SEMA6D: variants seen among roughly 807,000 people sequenced by gnomAD.
SEMA6D encodes semaphorin-6D.
Under a neutral mutation model 106.6 loss-of-function variants are expected in SEMA6D, and 35 were observed. The observed-to-expected ratio is 0.33, with a 90% CI of 0.25 to 0.44. The LOEUF is 0.44. Among genes scored for constraint, SEMA6D ranks in the 20% least tolerant of loss-of-function variants. The pLI is 1.00. For synonymous variants in SEMA6D, 499 were observed against 487.7 expected (o/e 1.02, Z -0.31); for missense variants, 1,185 against 1,345.9 (o/e 0.88, Z 1.87).
intron 1 of SEMA6D, among the ~76,000 whole-genome samples, chr15:47,283,055 A>G (rs572541758): frequency 1.3e-4 from 20 of 152,186 alleles, no homozygotes; most frequent in African/African-American, 4.8e-4. Context: ...GTCCAGAGAA[A>G]CTTTTAGTCC....
chr15:47,769,547 A>G (rs1000100621), intron 18 of SEMA6D, among the ~76,000 whole-genome samples: 4 of 152,154 alleles, frequency 2.6e-5, no homozygotes, highest in East Asian at 3.8e-4. Context: ...ATTCCATAAC[A>G]TTAATTAAAC....
chr15:47,342,867 C>A (rs529041482), intron 1 of SEMA6D, among the ~76,000 whole-genome samples: 1 of 152,112 alleles, frequency 6.6e-6, no homozygotes, highest in African/African-American at 2.4e-5. Context: ...CATGCCACCA[C>A]ACCCAGCTAA....
intron 3 of SEMA6D, among the ~76,000 whole-genome samples, chr15:47,584,084 A>T (rs2076296998): frequency 6.6e-6 from 1 of 152,214 alleles, no homozygotes; most frequent in South Asian, 2.1e-4. Flanking sequence ...GCAGGGCAAG[A>T]TCCACATGTG....
intron 1 of SEMA6D, among the ~76,000 whole-genome samples, chr15:47,306,234 C>A (rs1437735883): frequency 6.6e-6 from 1 of 152,092 alleles, no homozygotes; most frequent in African/African-American, 2.4e-5. Flanking sequence ...CTGCCCACCT[C>A]GGCCTCCCAA....
chr15:47,213,151 T>A (rs1446262540), intron 1 of SEMA6D, among the ~76,000 whole-genome samples: 2 of 152,202 alleles, frequency 1.3e-5, no homozygotes, highest in Non-Finnish European at 2.9e-5. Context: ...ACATTACATT[T>A]AAATTTCAGT....
chr15:47,230,017 A>T (rs1336588964), intron 1 of SEMA6D, among the ~76,000 whole-genome samples: 2 of 152,076 alleles, frequency 1.3e-5, no homozygotes, highest in African/African-American at 2.4e-5. Flanking sequence ...ATTGTTTATT[A>T]TCTGAAATTC....
intron 3 of SEMA6D, among the ~76,000 whole-genome samples, chr15:47,474,147 T>G (rs1009339527): frequency 9.2e-5 from 14 of 152,214 alleles, no homozygotes; most frequent in African/African-American, 3.4e-4. Flanking sequence ...GAATTCTAGC[T>G]GAGTTCCTGT....
At chr15:47,230,316 A>G (rs554575980) in intron 1 of SEMA6D, among the ~76,000 whole-genome samples, 1 of 152,222 alleles carries the variant, frequency 6.6e-6, no homozygotes, top group South Asian at 2.1e-4. Context: ...AAAGTTGTAT[A>G]TCTTGAATAT....
At chr15:47,356,850 C>G (rs1027839371) in intron 1 of SEMA6D, among the ~76,000 whole-genome samples, 7 of 139,474 alleles carry the variant, frequency 5.0e-5, no homozygotes, top group African/African-American at 2.0e-4. Flanking sequence ...TCCTTGAACT[C>G]TCTGCCCAAT....
At chr15:47,498,841 T>C (rs1433756642) in intron 3 of SEMA6D, among the ~76,000 whole-genome samples, 1 of 152,100 alleles carries the variant, frequency 6.6e-6, no homozygotes, top group African/African-American at 2.4e-5. Flanking sequence ...GCCTCAAATA[T>C]GAGCTACAAA....
chr15:47,724,708 T>C (rs1219975995), intron 1 of SEMA6D, among the ~76,000 whole-genome samples: 1 of 152,188 alleles, frequency 6.6e-6, no homozygotes, highest in Non-Finnish European at 1.5e-5. Flanking sequence ...AGACTTGTAA[T>C]TCAGGTGTGA....
chr15:47,274,139 C>T (rs1391481746), intron 1 of SEMA6D: 2 of 151,968 alleles, frequency 1.3e-5, no homozygotes, highest in Non-Finnish European at 2.9e-5. Context: ...CATCAACATA[C>T]GCAATTAAAA....
intron 3 of SEMA6D, among the ~76,000 whole-genome samples, chr15:47,521,164 AT>A (rs1413512697): frequency 6.6e-6 from 1 of 152,122 alleles, no homozygotes; most frequent in Non-Finnish European, 1.5e-5. Context: ...TCAGTTATGC[AT>A]TCATTCACAT....
chr15:47,765,037 G>A lies in SEMA6D; in HGVS notation c.1408G>A (p.Glu470Lys), dbSNP rs760997001. 3.7e-6 allele frequency: 6 copies of A among 1,613,836 alleles called. No individual in the cohort carries two copies. The highest frequency in any genetic ancestry group is 5.1e-6 in the Non-Finnish European group (6 of 1,179,808). The change falls in exon 13 of 19, where the codon GAA becomes AAA. Residue 470 changes from glutamate to lysine, a missense_variant. Physicochemically the swap from Glu to Lys is moderately conservative, Grantham distance 56. This residue lies in a region of SEMA6D where 750 missense variants were observed against 783.5 expected (regional missense o/e 0.96). Transcript: ENST00000536845. ...LNDSVLLEEI[E>K]AYNHAKCSAE... ...CGACAGCGTATTACTGGAAGAGATTGAAGCCTACAACCATGCAAAGTAGGT... is the reference window on the plus strand; with the variant it reads ...CGACAGCGTATTACTGGAAGAGATTAAAGCCTACAACCATGCAAAGTAGGT...
chr15:47,244,645 C>T (rs1382051634), intron 1 of SEMA6D, among the ~76,000 whole-genome samples: 1 of 152,128 alleles, frequency 6.6e-6, no homozygotes, highest in African/African-American at 2.4e-5. Context: ...TCATCCAAGC[C>T]TTTAGGCACT....
At chr15:47,203,220 A>G (rs532257570) in intron 1 of SEMA6D, among the ~76,000 whole-genome samples, 22 of 152,192 alleles carry the variant, frequency 1.4e-4, no homozygotes, top group Middle Eastern at 3.4e-3. Flanking sequence ...CTCAGAATCA[A>G]GTTCCCTCTA....
At chr15:47,310,687 A>G (rs1211537536) in intron 1 of SEMA6D, among the ~76,000 whole-genome samples, 1 of 152,190 alleles carries the variant, frequency 6.6e-6, no homozygotes, top group East Asian at 1.9e-4. Flanking sequence ...CACAACAGTC[A>G]TATGAAGGAA....
Position 47,371,099 on chromosome 15 carries a change from C to G in SEMA6D, c.-238-41294C>G, listed in dbSNP as rs185821798. On this transcript the variant is annotated intron_variant, in intron 1 of 19. Transcript: ENST00000558014. ...AAACATCATATTAGCTTAGAGTTCC[C>G]CAAATCAATATGGACTCTCATGTAC... Among the ~76,000 whole-genome samples, 44 of 152,260 alleles carry G rather than the reference C, an allele frequency of 2.9e-4. No individual in the cohort carries two copies. The East Asian group carries it at 7.9e-3, about 27-fold the overall frequency.
chr15:47,410,854 A>G (rs1260237382), intron 1 of SEMA6D, among the ~76,000 whole-genome samples: 1 of 152,198 alleles, frequency 6.6e-6, no homozygotes, highest in African/African-American at 2.4e-5. Flanking sequence ...ACCTAATGAT[A>G]ATACTACCCT....
Sources: gnomAD v4.1 joint callset for allele counts (sites outside exome capture counted in the v4.1 genomes callset) on GRCh38, gnomAD v4.1.1 for gene constraint, gnomAD v4.1.1 regional missense constraint, MANE v1.5 for transcripts, NCBI Gene and HGNC (gene_info 2026-07-23, HGNC 2026-07-21) for gene names.